ZFYVE28: variants seen among roughly 807,000 people sequenced by gnomAD.
The protein encoded by ZFYVE28 is zinc finger FYVE-type containing 28.
ZFYVE28 carries 40 observed loss-of-function variants against 82.1 expected under a neutral mutation model. The ratio of observed to expected loss-of-function variants is 0.49; its 90% CI spans 0.38 to 0.63. The LOEUF (loss-of-function observed/expected upper bound fraction) is 0.63. Among genes scored for constraint, ZFYVE28 ranks in the 30% least tolerant of loss-of-function variants. The pLI is 0.00. For missense variants in ZFYVE28, 1,321 were observed against 1,242.1 expected, an observed-to-expected ratio of 1.06 and a Z score of -0.96; for synonymous variants, 612 against 546.1, an observed-to-expected ratio of 1.12 and a Z score of -1.68.
intron 6 of ZFYVE28, among the ~76,000 whole-genome samples, chr4:2,322,218 G>A (rs1403592158): frequency 6.6e-6 from 1 of 152,316 alleles, no homozygotes; most frequent in African/African-American, 2.4e-5. Flanking sequence ...GGTGGGGAGC[G>A]GCCCCCGGGC....
intron 6 of ZFYVE28, among the ~76,000 whole-genome samples, chr4:2,333,726 G>A (rs942260462): frequency 3.3e-5 from 5 of 152,192 alleles, no homozygotes; most frequent in Admixed American, 6.5e-5. Context: ...GTGCCCTTGG[G>A]ACAAGGAGAC....
intron 8 of ZFYVE28, among the ~76,000 whole-genome samples, chr4:2,277,867 G>A (rs1736616556): frequency 6.6e-6 from 1 of 152,120 alleles, no homozygotes; most frequent in African/African-American, 2.4e-5. Context: ...AGTGACTCGA[G>A]GGACCCAGAA....
chr4:2,277,246 G>A (rs146283034), intron 8 of ZFYVE28, among the ~76,000 whole-genome samples: 7,421 of 152,290 alleles, frequency 0.049, 551 homozygotes, highest in African/African-American at 0.16. Flanking sequence ...TTGGGAGGCC[G>A]AGGCAGGCGG....
At chr4:2,330,773 G>T (rs554677373) in intron 6 of ZFYVE28, 7 of 1,521,644 alleles carry the variant, frequency 4.6e-6, no homozygotes, top group Middle Eastern at 2.1e-4. Flanking sequence ...GTGGCAGTAG[G>T]GATAGGACAG....
chr4:2,304,595 C>G lies in ZFYVE28; in HGVS notation c.1745G>C (p.Arg582Pro). The change falls in exon 8 of 13, where the codon CGG becomes CCG. Residue 582 changes from arginine to proline, a missense_variant. Transcript: ENST00000290974. ...DSREDVVERL[R>P]EKCSPGGVIG... ...GACGCCTCCCGGGCTGCACTTCTCC[C>G]GCAGACGCTCCACCACGTCCTCCCT... 6.2e-7 allele frequency: 1 copy of G among 1,612,290 alleles called. No homozygotes were observed.
chr4:2,297,325 G>A (rs1241933120), intron 8 of ZFYVE28, among the ~76,000 whole-genome samples: 5 of 152,196 alleles, frequency 3.3e-5, no homozygotes, highest in African/African-American at 7.2e-5. Context: ...CAGCCACCTC[G>A]GGATAGACCG....
chr4:2,297,125 C>T (rs1429569650), intron 8 of ZFYVE28, among the ~76,000 whole-genome samples: 1 of 152,258 alleles, frequency 6.6e-6, no homozygotes, highest in Non-Finnish European at 1.5e-5. Context: ...GCCAGCCCAG[C>T]AGCAGGTGAC....
chr4:2,375,474 C>T (rs1252023426), intron 1 of ZFYVE28, among the ~76,000 whole-genome samples: 2 of 152,214 alleles, frequency 1.3e-5, no homozygotes, highest in Non-Finnish European at 2.9e-5. Context: ...ACTTGGTGAC[C>T]AAACTGAATG....
At chr4:2,305,847 A>G (rs743695) in intron 7 of ZFYVE28, among the ~76,000 whole-genome samples, 3 of 152,058 alleles carry the variant, frequency 2.0e-5, no homozygotes, top group African/African-American at 7.3e-5. Context: ...TGTTAGCTGC[A>G]TGAATAAAAA....
intron 6 of ZFYVE28, among the ~76,000 whole-genome samples, chr4:2,323,324 C>T (rs533572808): frequency 2.0e-5 from 3 of 152,212 alleles, no homozygotes; most frequent in African/African-American, 7.2e-5. Flanking sequence ...TTTTCATGTG[C>T]CTGTTGGCCA....
rs1715417072 is a variant in ZFYVE28 at position 2,300,929 on chromosome 4, A to G, written c.2051+3360T>C. 6.6e-6 allele frequency among the ~76,000 whole-genome samples: 1 copy of G among 152,048 alleles called. No homozygotes were observed. The highest frequency in any genetic ancestry group is 1.5e-5 in the Non-Finnish European group (1 of 68,000). On this transcript the variant is annotated intron_variant, in intron 8 of 12. Transcript: ENST00000290974. This position sits in a 1 kb window ranked among gnomAD's most constrained non-coding sequence, Gnocchi z 4.6. ...CCAGATGCTCTCAGCTGAGGCAAAT[A>G]CCACCCTCTCCGTCTCAGTCTCTCC...
Position 2,273,146 on chromosome 4 carries a change from C to T in ZFYVE28, c.2323+27G>A, listed in dbSNP as rs766885878. On this transcript the variant is annotated intron_variant, in intron 10 of 12. Coordinates refer to ENST00000290974, the MANE Select transcript of ZFYVE28 (RefSeq NM_020972.3). ...GGGACACGGCCACCAGCGCAGGCCT[C>T]AGAGCCCGTCCTGAGTGGGCACTCA... 4 of 1,587,632 alleles carry T rather than the reference C, an allele frequency of 2.5e-6. No individual in the cohort carries two copies. In the East Asian group the frequency reaches 6.7e-5, roughly 27 times the overall value.
rs577914476 is a variant in ZFYVE28 at position 2,314,675 on chromosome 4, T to C, written c.803+5495A>G. ...CTTTCTGTCTTTTCTGCTACTTGTA[T>C]ATCATGAATTTTAGTACTATGTACA... On this transcript the variant is annotated intron_variant, in intron 7 of 12. Coordinates refer to ENST00000290974, the MANE Select transcript of ZFYVE28 (RefSeq NM_020972.3). Among the ~76,000 whole-genome samples the C allele has an allele frequency of 3.3e-5, 5 of 152,352 alleles. No individual in the cohort carries two copies. In the East Asian group the frequency reaches 9.6e-4, roughly 29 times the overall value.
intron 6 of ZFYVE28, among the ~76,000 whole-genome samples, chr4:2,327,254 AT>A (rs1219717187): frequency 0.39 from 656 of 1,686 alleles, 48 homozygotes; most frequent in African/African-American, 0.5. Context: ...CATCTCAAAT[AT>A]ATATATATAT....
At chr4:2,289,318 G>A (rs1199245117) in intron 8 of ZFYVE28, among the ~76,000 whole-genome samples, 3 of 152,228 alleles carry the variant, frequency 2.0e-5, no homozygotes, top group Non-Finnish European at 4.4e-5. Context: ...ACAGGAGCAC[G>A]ATACTGCCCA....
Position 2,391,313 on chromosome 4 carries a change from C to T in ZFYVE28, c.39+26972G>A, listed in dbSNP as rs77027330. On this transcript the variant is annotated intron_variant, in intron 1 of 12. Coordinates refer to ENST00000290974, the MANE Select transcript of ZFYVE28 (RefSeq NM_020972.3). ...GCCCACCCTGAGCTCTCCCAACCCG[C>T]GCTCATGTGTGGCGGAAGAGCCTCG... Among the ~76,000 whole-genome samples the T allele has an allele frequency of 1.2e-3, 188 of 152,296 alleles. 1 individual carries two copies. Among genetic ancestry groups the T allele is most frequent in the Non-Finnish European group, 1.6e-3 (106 of 68,030 alleles).
intron 1 of ZFYVE28, among the ~76,000 whole-genome samples, chr4:2,371,129 G>C (rs1349371579): frequency 6.6e-6 from 1 of 152,188 alleles, no homozygotes; most frequent in Non-Finnish European, 1.5e-5. Flanking sequence ...AGAGAAGATG[G>C]GGAGCTCACG....
At chr4:2,336,261 CT>C (rs1311908784) in intron 5 of ZFYVE28, among the ~76,000 whole-genome samples, 2 of 152,182 alleles carry the variant, frequency 1.3e-5, no homozygotes, top group Admixed American at 6.5e-5. Context: ...TTGTGGAGGG[CT>C]TTTCCTGCAC....
chr4:2,403,202 C>T (rs999444788), intron 1 of ZFYVE28, among the ~76,000 whole-genome samples: 1 of 152,250 alleles, frequency 6.6e-6, no homozygotes, highest in Non-Finnish European at 1.5e-5. Context: ...CTCACAGATG[C>T]CCCCACACTT....
Sources: gnomAD v4.1 joint callset for allele counts (sites outside exome capture counted in the v4.1 genomes callset) on GRCh38, gnomAD v4.1.1 for gene constraint, Gnocchi (gnomAD v3.1) non-coding constraint, MANE v1.5 for transcripts, NCBI Gene and HGNC (gene_info 2026-07-23, HGNC 2026-07-21) for gene names.